Variants in PPP1R14C observed in about 807,000 individuals in gnomAD.
PPP1R14C encodes protein phosphatase 1 regulatory subunit 14C.
PPP1R14C carries 16 observed loss-of-function variants against 20.4 expected under a neutral mutation model. The ratio of observed to expected loss-of-function variants is 0.78; its 90% CI spans 0.53 to 1.19. The LOEUF (loss-of-function observed/expected upper bound fraction) is 1.19, where lower values mean the gene tolerates loss of function less well. Among genes scored for constraint, PPP1R14C ranks in the 50% most tolerant of loss-of-function variants. PPP1R14C has a pLI of 0.00. For missense variants in PPP1R14C, 211 were observed against 220.1 expected (o/e 0.96, Z 0.26); for synonymous variants, 91 against 91.0 (o/e 1.00, Z 0.00).
intron 1 of PPP1R14C, among the ~76,000 whole-genome samples, chr6:150,173,607 G>GGCAGACAGGTGCCA (rs1362933125): frequency 7.9e-5 from 12 of 152,170 alleles, no homozygotes; most frequent in Non-Finnish European, 1.8e-4. Context: ...AGACAGGTGG[G>GGCAGACAGGTGCCA]TCTCTTGGCA....
rs970354636 is a variant in PPP1R14C, at chr6:150,201,882, G to A, written c.307-12862G>A. Reference sequence around the variant, plus strand: ...GATGGTGGCGACAGGGAGAGGAGGGGTCAGGAGTGAAGTATTCCATGAACC... The same window carrying A: ...GATGGTGGCGACAGGGAGAGGAGGGATCAGGAGTGAAGTATTCCATGAACC... On this transcript the variant is annotated intron_variant, in intron 1 of 3. Coordinates refer to ENST00000361131, the MANE Select transcript of PPP1R14C (RefSeq NM_030949.3). The surrounding 1 kb of genome is among the most constrained non-coding windows in gnomAD (Gnocchi z 4.2). 1.3e-5 allele frequency among the ~76,000 whole-genome samples: 2 copies of A among 152,090 alleles called. No individual in the cohort carries two copies. Among genetic ancestry groups the A allele is most frequent in the Non-Finnish European group, 2.9e-5 (2 of 68,022 alleles).
chr6:150,248,494 G>A lies in PPP1R14C; in HGVS notation c.424-252G>A, dbSNP rs373201393. Among the ~76,000 whole-genome samples, 25 of 152,308 alleles carry A rather than the reference G, an allele frequency of 1.6e-4. 2 individuals carry two copies. In the South Asian group the frequency reaches 5.2e-3, roughly 32 times the overall value. ...CACAAATGCCTCAGGGGCCAAGTAG[G>A]TCATGTCAGTAGTGAAAGTAGCCTG... On this transcript the variant is annotated intron_variant, in intron 3 of 3. Transcript: ENST00000361131.
chr6:150,226,685 A>T (rs1366980673), intron 3 of PPP1R14C, among the ~76,000 whole-genome samples: 2 of 151,980 alleles, frequency 1.3e-5, no homozygotes, highest in Non-Finnish European at 2.9e-5. Flanking sequence ...GATAAACATC[A>T]GGTTTTTCTT....
At chr6:150,167,069 A>G (rs1777429951) in intron 1 of PPP1R14C, among the ~76,000 whole-genome samples, 1 of 152,032 alleles carries the variant, frequency 6.6e-6, no homozygotes, top group Non-Finnish European at 1.5e-5. Flanking sequence ...CATCTCTACT[A>G]AAAATACAAA....
intron 3 of PPP1R14C, among the ~76,000 whole-genome samples, chr6:150,237,131 T>C (rs1213843720): frequency 1.6e-5 from 2 of 128,700 alleles, no homozygotes; most frequent in African/African-American, 5.9e-5. Context: ...ACCTTTCCCA[T>C]GGCGAAAATG....
At chr6:150,184,418 C>T (rs558977322) in intron 1 of PPP1R14C, among the ~76,000 whole-genome samples, 1 of 152,298 alleles carries the variant, frequency 6.6e-6, no homozygotes, top group African/African-American at 2.4e-5. Context: ...AGGCCATACC[C>T]TACAGCCTAG....
intron 3 of PPP1R14C, among the ~76,000 whole-genome samples, chr6:150,246,025 C>T (rs1778485850): frequency 6.6e-6 from 1 of 152,014 alleles, no homozygotes; most frequent in Admixed American, 6.6e-5. Flanking sequence ...ATCATATGCA[C>T]AAGGCAAATA....
chr6:150,182,215 G>A (rs1777630028), intron 1 of PPP1R14C, among the ~76,000 whole-genome samples: 1 of 152,146 alleles, frequency 6.6e-6, no homozygotes, highest in Non-Finnish European at 1.5e-5. Context: ...CAGACCTGCC[G>A]GCTTTGAATC....
At position 150,232,012 on chromosome 6, in the gene PPP1R14C, T is replaced by G. The variant is rs370913953; in HGVS notation, c.423+15156T>G. On this transcript the variant is annotated intron_variant, in intron 3 of 3. Coordinates refer to ENST00000361131, the MANE Select transcript of PPP1R14C (RefSeq NM_030949.3). Reference sequence around the variant, plus strand: ...TCCAAGAATATATAAGAAATGGAGTTGCTTTTAAATGTTTGCACCAGCATG... The same window carrying G: ...TCCAAGAATATATAAGAAATGGAGTGGCTTTTAAATGTTTGCACCAGCATG... Among the ~76,000 whole-genome samples the G allele has an allele frequency of 4.6e-3, 696 of 152,352 alleles. 6 individuals carry two copies. The highest frequency in any genetic ancestry group is 0.016 in the African/African-American group (664 of 41,582).
At position 150,187,537 on chromosome 6, in the gene PPP1R14C, A is replaced by G. The variant is rs1218524002; in HGVS notation, c.307-27207A>G. Among the ~76,000 whole-genome samples, 5 of 152,082 alleles carry G rather than the reference A, an allele frequency of 3.3e-5. No homozygotes were observed. In the East Asian group the frequency reaches 7.7e-4, roughly 24 times the overall value. On this transcript the variant is annotated intron_variant, in intron 1 of 3. Coordinates refer to ENST00000361131, the MANE Select transcript of PPP1R14C (RefSeq NM_030949.3). ...CATCTTTTAGCTTCTACTTTTGGGA[A>G]TGTGTGGTATTTGGTTTTCTGTTCC...
intron 1 of PPP1R14C, among the ~76,000 whole-genome samples, chr6:150,170,732 G>C (rs978675473): frequency 1.3e-5 from 2 of 149,582 alleles, no homozygotes; most frequent in Admixed American, 6.7e-5. Flanking sequence ...AGAGTGATAC[G>C]TGATGAGGTT....
At position 150,185,425 on chromosome 6, in the gene PPP1R14C, A is replaced by G. The variant is rs11155711; in HGVS notation, c.307-29319A>G. Among the ~76,000 whole-genome samples, 18,902 of 152,082 alleles carry G rather than the reference A, an allele frequency of 0.12. 1,642 individuals carry two copies. Among genetic ancestry groups the G allele is most frequent in the East Asian group, 0.45 (2,329 of 5,142 alleles). ...CGATTTCCTGACTGCTCGTCTTGCC[A>G]TGGGGACCATCCTTGCATTAACCAC... On this transcript the variant is annotated intron_variant, in intron 1 of 3. Coordinates refer to ENST00000361131, the MANE Select transcript of PPP1R14C (RefSeq NM_030949.3). The surrounding 1 kb of genome is among the most constrained non-coding windows in gnomAD (Gnocchi z 4.1).
chr6:150,150,411 A>G (rs540866287), intron 1 of PPP1R14C, among the ~76,000 whole-genome samples: 7 of 152,094 alleles, frequency 4.6e-5, no homozygotes, highest in African/African-American at 1.7e-4. Context: ...CCCCTGCTAC[A>G]CTAGTTCTGC....
intron 1 of PPP1R14C, among the ~76,000 whole-genome samples, chr6:150,168,001 C>T (rs2114865988): frequency 7.5e-5 from 1 of 13,252 alleles, no homozygotes; most frequent in African/African-American, 3.6e-4. Context: ...TTCCTCTCCC[C>T]CTTGCTTTCC....
At chr6:150,213,121 G>A (rs1002993784) in intron 1 of PPP1R14C, among the ~76,000 whole-genome samples, 1 of 152,070 alleles carries the variant, frequency 6.6e-6, no homozygotes, top group Admixed American at 6.6e-5. Context: ...GATCTAAAAC[G>A]TTCACATTGA....
chr6:150,161,282 A>AG (rs1777364896), intron 1 of PPP1R14C, among the ~76,000 whole-genome samples: 1 of 151,746 alleles, frequency 6.6e-6, no homozygotes. Context: ...TGTTTAAAAA[A>AG]AAAAGACGAA....
chr6:150,241,801 C>T (rs551382121), intron 3 of PPP1R14C, among the ~76,000 whole-genome samples: 11 of 152,246 alleles, frequency 7.2e-5, no homozygotes, highest in Admixed American at 5.2e-4. Flanking sequence ...GCACAAGAAT[C>T]GCTTGAACCC....
chr6:150,171,949 G>A (rs1013662197), intron 1 of PPP1R14C, among the ~76,000 whole-genome samples: 8 of 151,986 alleles, frequency 5.3e-5, no homozygotes, highest in Non-Finnish European at 1.0e-4. Context: ...GGGATTACAG[G>A]TTCCCGCCAC....
At chr6:150,220,036 AG>A (rs1407008833) in intron 3 of PPP1R14C, among the ~76,000 whole-genome samples, 1 of 151,910 alleles carries the variant, frequency 6.6e-6, no homozygotes, top group Admixed American at 6.6e-5. Flanking sequence ...TTGTATTTTT[AG>A]TAGAGGCGGA....
Sources: gnomAD v4.1 joint callset for allele counts (sites outside exome capture counted in the v4.1 genomes callset) on GRCh38, gnomAD v4.1.1 for gene constraint, Gnocchi (gnomAD v3.1) non-coding constraint, MANE v1.5 for transcripts, NCBI Gene and HGNC (gene_info 2026-07-23, HGNC 2026-07-21) for gene names.